The following LAMB1 variants were observed in gnomAD, a reference collection of about 807,000 sequenced individuals.
LAMB1 encodes the protein laminin subunit beta 1, also known as laminin subunit beta-1.
LAMB1 carries 121 observed loss-of-function variants against 222.3 expected under a neutral mutation model. The ratio of observed to expected loss-of-function variants is 0.54; its 90% CI spans 0.47 to 0.63. The LOEUF (loss-of-function observed/expected upper bound fraction) is 0.63. Ranked by LOEUF, LAMB1 falls within the 30% of genes least tolerant of loss-of-function variation. The pLI, the probability that LAMB1 is intolerant of heterozygous loss-of-function variation, is 0.00. For synonymous variants in LAMB1, 794 were observed against 807.2 expected, an observed-to-expected ratio of 0.98 and a Z score of 0.28; for missense variants, 2,172 against 2,240.8, an observed-to-expected ratio of 0.97 and a Z score of 0.62.
Position 108,001,573 on chromosome 7 carries a change from G to A in LAMB1, c.198C>T (p.Ile66=), listed in dbSNP as rs1002001987. ...CGLHKPEPYC[I]VSHLQEDKKC... ...CAGCCCTCACCTGCAAGTGGCTGACGATACAGTAGGGTTCGGGCTTGTGCA... is the reference window on the plus strand; with the variant it reads ...CAGCCCTCACCTGCAAGTGGCTGACAATACAGTAGGGTTCGGGCTTGTGCA... Residue 66 remains isoleucine, a synonymous_variant, in exon 3 of 34, where the codon ATC becomes ATT. Transcript: ENST00000222399. 1.2e-6 allele frequency: 2 copies of A among 1,600,832 alleles called. No homozygotes were observed. The highest frequency in any genetic ancestry group is 1.7e-6 in the Non-Finnish European group (2 of 1,170,312).
At position 107,936,822 on chromosome 7, in the gene LAMB1, GA is replaced by G. The variant is rs34059674; in HGVS notation, c.3946+270del. On this transcript the variant is annotated intron_variant, in intron 26 of 33. Coordinates refer to ENST00000222399, the MANE Select transcript of LAMB1 (RefSeq NM_002291.3). The stretch of plus-strand genomic sequence containing the variant: ...AGGGGATTAAACTACTAACTGGAGG[GA>G]AAAAAAAAAAATCAGGAAATGGATA... Among the ~76,000 whole-genome samples, 85,084 of 148,678 alleles carry G rather than the reference GA, an allele frequency of 0.57. 24,406 individuals carry two copies. The highest frequency in any genetic ancestry group is 0.84 in the East Asian group (4,243 of 5,062).
chr7:108,002,532 G>C (rs1416735687), intron 2 of LAMB1: 1 of 1,039,388 alleles, frequency 9.6e-7, no homozygotes, highest in Non-Finnish European at 1.3e-6. Flanking sequence ...GCCAACCCCA[G>C]GGAACCTGCC....
Position 107,955,531 on chromosome 7 carries a change from G to A in LAMB1, c.2790C>T (p.Ala930=). The A allele has an allele frequency of 6.2e-7, 1 of 1,614,082 alleles. No homozygotes were observed. The highest frequency in any genetic ancestry group is 1.6e-4 in the Middle Eastern group (1 of 6,062). The part of the protein sequence containing the change: ...PDGPDSGRQF[A]RSCYQDPVTL... ...TAACAGGATCTTGGTAGCAGCTCCT[G>A]GCAAACTGGCGTCCACTGTCGGGAC... Residue 930 remains alanine, a synonymous_variant, in exon 21 of 34, where the codon GCC becomes GCT. Transcript: ENST00000222399.
chr7:107,949,729 C>T (rs1322973429), intron 24 of LAMB1, among the ~76,000 whole-genome samples: 2 of 152,200 alleles, frequency 1.3e-5, no homozygotes, highest in African/African-American at 4.8e-5. Context: ...TAAGCCTCAA[C>T]TTAAAAAACA....
At chr7:108,000,059 AG>A (rs2034353816) in intron 3 of LAMB1, 1 of 152,194 alleles carries the variant, frequency 6.6e-6, no homozygotes, top group South Asian at 2.1e-4. Flanking sequence ...ATTCATTTAC[AG>A]GATGTCCTGG....
chr7:107,953,867 T>C (rs1584502480), intron 21 of LAMB1, 113 bp from the exon 22 acceptor site: 1 of 857,986 alleles, frequency 1.2e-6, no homozygotes, highest in Middle Eastern at 2.4e-4. Flanking sequence ...TCATCTTCAC[T>C]GCACTGTTTA....
intron 24 of LAMB1, among the ~76,000 whole-genome samples, chr7:107,945,736 C>A (rs373479167): frequency 1.3e-5 from 2 of 152,222 alleles, no homozygotes; most frequent in African/African-American, 2.4e-5. Flanking sequence ...TACTTACCCC[C>A]ATAGGTTCTT....
chr7:107,969,150 T>C (rs1156365138), intron 13 of LAMB1, among the ~76,000 whole-genome samples: 1 of 152,082 alleles, frequency 6.6e-6, no homozygotes, highest in Non-Finnish European at 1.5e-5. Context: ...TAGCCGGGCA[T>C]GGTGGCAGGT....
Position 107,955,487 on chromosome 7 carries a change from A to G in LAMB1, c.2834T>C (p.Val945Ala), listed in dbSNP as rs370543967. ...CTTACCAATGTATCCAGGATCACAA[A>G]CACAGGCAAGCTGTAAAGTAACAGG... ...QDPVTLQLAC[V>A]CDPGYIGSRC... Residue 945 changes from valine (V) to alanine (A), a missense_variant, in exon 21 of 34, where the codon GTT (valine) becomes GCT (alanine). Coordinates refer to ENST00000222399, the MANE Select transcript of LAMB1 (RefSeq NM_002291.3). 4 of 1,613,886 alleles carry G rather than the reference A, an allele frequency of 2.5e-6. No individual in the cohort carries two copies. Among genetic ancestry groups the G allele is most frequent in the Non-Finnish European group, 3.4e-6 (4 of 1,179,960 alleles).
chr7:107,973,568 A>G (rs996940984), intron 12 of LAMB1, among the ~76,000 whole-genome samples: 6 of 152,218 alleles, frequency 3.9e-5, no homozygotes, highest in Admixed American at 2.0e-4. Flanking sequence ...AGAGATGGAA[A>G]TAAAGAGAAA....
At chr7:107,939,034 C>T (rs566392800) in intron 25 of LAMB1, among the ~76,000 whole-genome samples, 12 of 152,278 alleles carry the variant, frequency 7.9e-5, no homozygotes, top group Middle Eastern at 3.4e-3. Context: ...ACTGTCATTT[C>T]GTCATATAAA....
chr7:107,991,022 C>T (rs1290688423), intron 5 of LAMB1, among the ~76,000 whole-genome samples: 1 of 152,146 alleles, frequency 6.6e-6, no homozygotes, highest in African/African-American at 2.4e-5. Context: ...CTTGGGCTAC[C>T]TTCCTGAAAC....
intron 12 of LAMB1, among the ~76,000 whole-genome samples, chr7:107,974,684 A>C (rs543878551): frequency 2.8e-4 from 42 of 152,240 alleles, no homozygotes; most frequent in Non-Finnish European, 5.3e-4. Flanking sequence ...GCCCACCAGC[A>C]GCCAAGAAGT....
intron 13 of LAMB1, among the ~76,000 whole-genome samples, chr7:107,970,444 A>ATGCCAC (rs2033723578): frequency 7.3e-6 from 1 of 136,752 alleles, no homozygotes. Context: ...GCCAAGATCA[A>ATGCCAC]TGCCACTGCA....
In LAMB1 at chr7:107,986,336, C is replaced by T; in HGVS notation, c.451G>A (p.Glu151Lys). ...KTFRPAAMLI[E>K]RSSDFGKTWG... is the part of the protein sequence containing the mutation. ...GTTTTCCCAAAGTCGGACGATCGTT[C>T]TATCAGCATAGCAGCTGGACGGAAT... is the stretch of plus-strand genomic sequence containing the variant. The change falls in exon 6 of 34, where the codon GAA becomes AAA. Residue 151 changes from glutamate (E) to lysine (K), a missense_variant. By Grantham distance (56) the Glu-to-Lys change is moderately conservative. Coordinates refer to ENST00000222399, the MANE Select transcript of LAMB1 (RefSeq NM_002291.3). 1 of 1,606,906 alleles carries T rather than the reference C, an allele frequency of 6.2e-7. No individual in the cohort carries two copies. Among genetic ancestry groups the T allele is most frequent in the South Asian group, 1.1e-5 (1 of 90,472 alleles).
Position 107,962,990 on chromosome 7 carries a change from A to G in LAMB1, c.1772T>C (p.Val591Ala). Reference protein sequence around the residue: ...PSWTGAGFVRVPEGAYLEFFI... With the variant: ...PSWTGAGFVRAPEGAYLEFFI... ...AAACTCCAAATAAGCCCCTTCAGGCACTCGGACGAAGCCGGCTCCAGTCCA... is the reference window on the plus strand; with the variant it reads ...AAACTCCAAATAAGCCCCTTCAGGCGCTCGGACGAAGCCGGCTCCAGTCCA... Residue 591 changes from valine (V) to alanine (A), a missense_variant, in exon 15 of 34, where the codon GTG becomes GCG. By Grantham distance (64) the Val-to-Ala change is moderately conservative (BLOSUM62 0). Coordinates refer to ENST00000222399, the MANE Select transcript of LAMB1 (RefSeq NM_002291.3). The G allele has an allele frequency of 6.2e-7, 1 of 1,613,998 alleles. No homozygotes were observed. The highest frequency in any genetic ancestry group is 1.7e-5 in the Admixed American group (1 of 59,994).
Position 107,980,770 on chromosome 7 carries a change from G to T in LAMB1, c.718C>A (p.Leu240Met). Residue 240 changes from leucine (L) to methionine (M), a missense_variant, in exon 8 of 34, where the codon CTG (leucine) becomes ATG (methionine). Leu to Met is a conservative substitution (Grantham distance 15). Transcript: ENST00000222399. ...ITNLRIKFVK[L>M]HTLGDNLLDS... ...AGAAGGTTATCTCCCAAAGTATGCA[G>T]TTTCACAAACTTGATTCTCAAGTTG... 1.2e-6 allele frequency: 2 copies of T among 1,611,856 alleles called. No individual in the cohort carries two copies. Among genetic ancestry groups the T allele is most frequent in the African/African-American group, 2.7e-5 (2 of 74,956 alleles).
chr7:107,960,476 G>A lies in LAMB1; in HGVS notation c.2283C>T (p.Ser761=), dbSNP rs1441905730. The A allele has an allele frequency of 6.2e-6, 10 of 1,614,018 alleles. No individual in the cohort carries two copies. The Admixed American group carries it at 1.5e-4, about 24-fold the overall frequency. Residue 761 remains serine, a synonymous_variant, in exon 18 of 34, where the codon AGC becomes AGT. Transcript: ENST00000222399. Reference sequence around the variant, plus strand: ...CTGTCTGGTGTAACAGGGCAGAAATGCTAAAGATGATGTTTCTGCAAACAT... The same window carrying A: ...CTGTCTGGTGTAACAGGGCAGAAATACTAAAGATGATGTTTCTGCAAACAT... ...MTDVCRNIIF[S]ISALLHQTGL... is the part of the protein sequence containing the mutation.
At chr7:107,933,425 CTAAA>C (rs936871704) in intron 27 of LAMB1, among the ~76,000 whole-genome samples, 6 of 152,156 alleles carry the variant, frequency 3.9e-5, no homozygotes, top group African/African-American at 1.4e-4. Flanking sequence ...CAAATTACAA[CTAAA>C]TAAGTCATTT....
Sources: gnomAD v4.1 joint callset for allele counts (sites outside exome capture counted in the v4.1 genomes callset) on GRCh38, gnomAD v4.1.1 for gene constraint, MANE v1.5 for transcripts, NCBI Gene and HGNC (gene_info 2026-07-23, HGNC 2026-07-21) for gene names.